AADAT: variants seen among roughly 807,000 people sequenced by gnomAD.
AADAT encodes the protein aminoadipate aminotransferase, also known as kynurenine/alpha-aminoadipate aminotransferase, mitochondrial.
In AADAT, 25 loss-of-function variants were observed where a neutral mutation model predicts 56.2. The observed-to-expected ratio is 0.44, with a 90% CI of 0.32 to 0.62. The LOEUF (loss-of-function observed/expected upper bound fraction) is 0.62. Ranked by LOEUF, AADAT falls within the 20% of genes least tolerant of loss-of-function variation. AADAT has a pLI of 0.04. For synonymous variants in AADAT, 173 were observed against 164.7 expected (o/e 1.05, Z -0.39); for missense variants, 387 against 510.5 (o/e 0.76, Z 2.33).
At chr4:170,076,042 G>A (rs1376366669) in intron 4 of AADAT, among the ~76,000 whole-genome samples, 2 of 152,032 alleles carry the variant, frequency 1.3e-5, no homozygotes, top group Non-Finnish European at 2.9e-5. Flanking sequence ...AAATAATATT[G>A]CAATGAACAT....
intron 8 of AADAT, among the ~76,000 whole-genome samples, chr4:170,068,243 TG>T (rs1366774524): frequency 1.3e-5 from 2 of 151,816 alleles, no homozygotes; most frequent in African/African-American, 4.8e-5. Flanking sequence ...TGGTAAAACA[TG>T]GGGCCATCTG....
chr4:170,090,336 C>G (rs1457355572), upstream of AADAT: 1 of 151,818 alleles, frequency 6.6e-6, no homozygotes, highest in Non-Finnish European at 1.5e-5. Context: ...GCCCCACCCT[C>G]GTTCCCGCGC....
At chr4:170,090,283 G>C (rs1377618811), upstream of AADAT, 1 of 152,176 alleles carries the variant, frequency 6.6e-6, no homozygotes, top group Non-Finnish European at 1.5e-5. Flanking sequence ...CGGCGACTTG[G>C]GTCCACTGCA....
intron 4 of AADAT, among the ~76,000 whole-genome samples, chr4:170,076,335 T>A (rs575052692): frequency 6.6e-6 from 1 of 152,282 alleles, no homozygotes; most frequent in East Asian, 1.9e-4. Flanking sequence ...AAAAATTTTT[T>A]CCCCAAGCCT....
intron 7 of AADAT, among the ~76,000 whole-genome samples, 186 bp from the exon 8 acceptor site, chr4:170,068,873 T>C (rs1731615505): frequency 6.6e-6 from 1 of 152,170 alleles, no homozygotes; most frequent in South Asian, 2.1e-4. Flanking sequence ...TAAAACAAGA[T>C]CGACTACGTA....
At chr4:170,078,991 T>C (rs972570058) in intron 3 of AADAT, among the ~76,000 whole-genome samples, 3 of 152,246 alleles carry the variant, frequency 2.0e-5, no homozygotes, top group Admixed American at 2.0e-4. Context: ...AAATGTTTAC[T>C]ATACGCCAGG....
At chr4:170,074,124 T>C (rs1488921236) in intron 4 of AADAT, among the ~76,000 whole-genome samples, 1 of 152,222 alleles carries the variant, frequency 6.6e-6, no homozygotes, top group Non-Finnish European at 1.5e-5. Context: ...AAAACTGTAC[T>C]GGGGTCATTG....
At chr4:170,072,837 A>C (rs1300926140) in intron 5 of AADAT, among the ~76,000 whole-genome samples, 1 of 152,220 alleles carries the variant, frequency 6.6e-6, no homozygotes, top group African/African-American at 2.4e-5. Flanking sequence ...AATAATGGAA[A>C]TCAAACTTGG....
intron 3 of AADAT, 111 bp downstream of exon 3, chr4:170,087,005 A>C (rs894771990): frequency 1.4e-5 from 20 of 1,420,312 alleles, no homozygotes; most frequent in East Asian, 2.3e-5. Flanking sequence ...GAAGACAAGA[A>C]AGACTACCAG....
At chr4:170,076,458 A>T (rs1732038055) in intron 4 of AADAT, among the ~76,000 whole-genome samples, 1 of 152,088 alleles carries the variant, frequency 6.6e-6, no homozygotes, top group Non-Finnish European at 1.5e-5. Flanking sequence ...GTTGCTTTGC[A>T]TTTCTCTACT....
upstream of AADAT, among the ~76,000 whole-genome samples, chr4:170,090,905 G>A (rs187918893): frequency 1.5e-3 from 226 of 152,294 alleles, 2 homozygotes; most frequent in Middle Eastern, 0.01. Flanking sequence ...GATGATTATT[G>A]ACTCACTGCC....
At chr4:170,087,283 G>C (rs1444335921) in intron 2 of AADAT, 35 bp from the exon 3 acceptor site, 4 of 1,587,962 alleles carry the variant, frequency 2.5e-6, no homozygotes, top group Middle Eastern at 1.7e-4. Context: ...ATTCATAGTA[G>C]TAAAAATCAT....
chr4:170,073,226 T>C lies in AADAT; in HGVS notation c.564A>G (p.Lys188=). Residue 188 remains lysine, a synonymous_variant, in exon 5 of 13, where the codon AAA becomes AAG. Coordinates refer to ENST00000337664, the MANE Select transcript of AADAT (RefSeq NM_016228.4). ...CAGTATAAAGAAATTTGGGGGTGTT[T>C]TTCTGGGGATTCTTTGCATCTTCTG... is the stretch of plus-strand genomic sequence containing the variant. The part of the protein sequence containing the change: ...WKPEDAKNPQ[K]NTPKFLYTVP... The C allele has an allele frequency of 1.2e-6, 2 of 1,614,138 alleles. No homozygotes were observed.
At chr4:170,065,808 C>T (rs1222772975) in intron 10 of AADAT, among the ~76,000 whole-genome samples, 1 of 152,100 alleles carries the variant, frequency 6.6e-6, no homozygotes, top group Admixed American at 6.6e-5. Flanking sequence ...GCCACTAATT[C>T]TGTTTTTACC....
chr4:170,065,161 A>G (rs1461205908), intron 10 of AADAT, among the ~76,000 whole-genome samples: 1 of 152,216 alleles, frequency 6.6e-6, no homozygotes, highest in African/African-American at 2.4e-5. Context: ...CTAGACAAAC[A>G]TGGCTATTTC....
At chr4:170,094,280 A>G (rs190381885), upstream of AADAT, among the ~76,000 whole-genome samples, 2 of 152,368 alleles carry the variant, frequency 1.3e-5, no homozygotes, top group African/African-American at 4.8e-5. Context: ...AGCTTACCAG[A>G]CAATAGAAGC....
At chr4:170,076,426 C>T (rs6553487) in intron 4 of AADAT, among the ~76,000 whole-genome samples, 5 of 152,052 alleles carry the variant, frequency 3.3e-5, no homozygotes, top group African/African-American at 7.3e-5. Flanking sequence ...ATGGAACTTG[C>T]GGCTTTCATA....
At chr4:170,080,539 A>C (rs151113895) in intron 3 of AADAT, among the ~76,000 whole-genome samples, 7 of 152,276 alleles carry the variant, frequency 4.6e-5, no homozygotes, top group African/African-American at 9.6e-5. Flanking sequence ...CAAGCCCTGG[A>C]AACTCTGCAC....
At position 170,060,750 on chromosome 4, in the gene AADAT, T is replaced by C. The variant is rs1461882377; in HGVS notation, c.*178A>G. On this transcript the variant is annotated 3_prime_UTR_variant, in exon 13 of 13. Coordinates refer to ENST00000337664, the MANE Select transcript of AADAT (RefSeq NM_016228.4). ...TTAGTTTGATTTCTTTCTCTTTTTT[T>C]AGAGACAGGGTCTTGTTCTGCCATG... 3 of 411,960 alleles carry C rather than the reference T, an allele frequency of 7.3e-6. No homozygotes were observed. The highest frequency in any genetic ancestry group is 1.3e-5 in the Non-Finnish European group (3 of 235,858). 25.5% of individuals were successfully genotyped at this position (411,960 alleles called of 1,614,324 possible).
Sources: allele counts gnomAD v4.1 joint callset (sites outside exome capture counted in the v4.1 genomes callset), GRCh38; gene constraint gnomAD v4.1.1; transcripts MANE v1.5; gene names NCBI Gene and HGNC (gene_info 2026-07-23, HGNC 2026-07-21).